Variants in IFNA17 observed in about 807,000 individuals in gnomAD.
IFNA17 encodes interferon alpha-17.
For missense variants in IFNA17, 285 were observed against 212.7 expected, an observed-to-expected ratio of 1.34 and a Z score of -2.11; for synonymous variants, 107 against 80.5, an observed-to-expected ratio of 1.33 and a Z score of -1.76.
In IFNA17 at chr9:21,227,497, A is replaced by T; in HGVS notation, c.*107T>A. 7 of 1,527,594 alleles carry T rather than the reference A, an allele frequency of 4.6e-6. 1 individual carries two copies. The South Asian group carries it at 9.0e-5, about 20-fold the overall frequency. 94.6% of individuals were successfully genotyped at this position (1,527,594 alleles called of 1,614,324 possible). A position where few individuals can be genotyped will look rare whatever the true frequency, so the allele number is the denominator to read the frequency against. On this transcript the variant is annotated 3_prime_UTR_variant, in exon 1 of 1. Coordinates refer to ENST00000413767, the MANE Select transcript of IFNA17 (RefSeq NM_021268.2). ...CTGCTGAAAACATTTGAAAATTTTG[A>T]TTCAACTCGTGGTGGTTATAGAAGT...
In IFNA17 at chr9:21,227,988, G is replaced by A. The variant is rs770953804; in HGVS notation, c.186C>T (p.Pro62=). 1 of 1,613,910 alleles carries A rather than the reference G, an allele frequency of 6.2e-7. No individual in the cohort carries two copies. The highest frequency in any genetic ancestry group is 1.7e-5 in the Admixed American group (1 of 59,962). ...ACTGGTTGCCATCAAACTCCTCCTG[G>A]GGAAGTCCAAAGTCATGTCTGTCCT... is the stretch of plus-strand genomic sequence containing the variant. The part of the protein sequence containing the change: ...CLKDRHDFGL[P]QEEFDGNQFQ... The change falls in exon 1 of 1, where the codon CCC becomes CCT. Residue 62 remains proline, a synonymous_variant. Coordinates refer to ENST00000413767, the MANE Select transcript of IFNA17 (RefSeq NM_021268.2).
rs1818656296 is a variant in IFNA17 at position 21,228,163 on chromosome 9, G to A, written c.11C>T (p.Ser4Phe). Residue 4 changes from serine to phenylalanine, a missense_variant, in exon 1 of 1, where the codon TCC (serine) becomes TTC (phenylalanine). Physicochemically the swap from Ser to Phe is radical, Grantham distance 155. Transcript: ENST00000413767. The stretch of plus-strand genomic sequence containing the variant: ...CAGCACGGCCATCAGTAAAGAAAAG[G>A]ACAGGGCCATTGGGATGTTGCAAAT... MAL[S>F]FSLLMAVLVL... is the part of the protein sequence containing the mutation. 2 of 1,611,980 alleles carry A rather than the reference G, an allele frequency of 1.2e-6. No individual in the cohort carries two copies. Among genetic ancestry groups the A allele is most frequent in the African/African-American group, 2.7e-5 (2 of 74,954 alleles).
chr9:21,228,023 A>T lies in IFNA17; in HGVS notation c.151T>A (p.Ser51Thr). ...AAGTCATGTCTGTCCTTCAGGCAGG[A>T]GAAAGGAGAGATTCTTCCCATTTGT... ...LAQMGRISPFSCLKDRHDFGL... is the reference protein window; with the variant it reads ...LAQMGRISPFTCLKDRHDFGL... The change falls in exon 1 of 1, where the codon TCC becomes ACC. Residue 51 changes from serine to threonine, a missense_variant. Physicochemically the swap from Ser to Thr is moderately conservative, Grantham distance 58 (BLOSUM62 1). Transcript: ENST00000413767. The T allele has an allele frequency of 6.2e-7, 1 of 1,614,056 alleles. No individual in the cohort carries two copies. Among genetic ancestry groups the T allele is most frequent in the Non-Finnish European group, 8.5e-7 (1 of 1,180,012 alleles).
Position 21,227,417 on chromosome 9 carries a change from A to G in IFNA17, c.*187T>C. Reference sequence around the variant, plus strand: ...TAAATAGATGAACAGAGACATCAGCATGGTCATCTGTAAAGTACTAGTGCC... The same window carrying G: ...TAAATAGATGAACAGAGACATCAGCGTGGTCATCTGTAAAGTACTAGTGCC... On this transcript the variant is annotated 3_prime_UTR_variant, in exon 1 of 1. Transcript: ENST00000413767. 1.7e-6 allele frequency: 1 copy of G among 576,342 alleles called. No individual in the cohort carries two copies. Among genetic ancestry groups the G allele is most frequent in the East Asian group, 3.2e-5 (1 of 31,582 alleles). 35.7% of individuals were successfully genotyped at this position (576,342 alleles called of 1,614,324 possible). A position where few individuals can be genotyped will look rare whatever the true frequency, so the allele number is the denominator to read the frequency against.
chr9:21,228,011 C>G lies in IFNA17; in HGVS notation c.163G>C (p.Asp55His). Residue 55 changes from aspartate to histidine, a missense_variant, in exon 1 of 1, where the codon GAC becomes CAC. Physicochemically the swap from Asp to His is moderately conservative, Grantham distance 81. Coordinates refer to ENST00000413767, the MANE Select transcript of IFNA17 (RefSeq NM_021268.2). ...GRISPFSCLK[D>H]RHDFGLPQEE... Reference sequence around the variant, plus strand: ...TGGGGAAGTCCAAAGTCATGTCTGTCCTTCAGGCAGGAGAAAGGAGAGATT... The same window carrying G: ...TGGGGAAGTCCAAAGTCATGTCTGTGCTTCAGGCAGGAGAAAGGAGAGATT... 3.1e-6 allele frequency: 5 copies of G among 1,614,050 alleles called. No individual in the cohort carries two copies. Among genetic ancestry groups the G allele is most frequent in the Non-Finnish European group, 3.4e-6 (4 of 1,180,020 alleles).
Position 21,227,529 on chromosome 9 carries a change from T to C in IFNA17, c.*75A>G. 2 of 1,580,704 alleles carry C rather than the reference T, an allele frequency of 1.3e-6. No homozygotes were observed. The highest frequency in any genetic ancestry group is 1.2e-5 in the South Asian group (1 of 85,468). On this transcript the variant is annotated 3_prime_UTR_variant, in exon 1 of 1. Coordinates refer to ENST00000413767, the MANE Select transcript of IFNA17 (RefSeq NM_021268.2). ...TCGTGGTGGTTATAGAAGTGAGTCT[T>C]TGAAATGGAGGAACTCATGAAAGTG...
chr9:21,227,854 T>G lies in IFNA17; in HGVS notation c.320A>C (p.Lys107Thr), dbSNP rs1233784091. Residue 107 changes from lysine (K) to threonine (T), a missense_variant, in exon 1 of 1, where the codon AAA becomes ACA. By Grantham distance (78) the Lys-to-Thr change is moderately conservative (BLOSUM62 -1). Coordinates refer to ENST00000413767, the MANE Select transcript of IFNA17 (RefSeq NM_021268.2). ...SAAWEQSLLE[K>T]FSTELYQQLN... is the part of the protein sequence containing the mutation. ...TTGCTGGTAAAGTTCAGTGGAAAAT[T>G]TTTCTAGGAGGCTCTGTTCCCAAGC... is the stretch of plus-strand genomic sequence containing the variant. The G allele has an allele frequency of 6.2e-7, 1 of 1,613,414 alleles. No homozygotes were observed. Among genetic ancestry groups the G allele is most frequent in the Non-Finnish European group, 8.5e-7 (1 of 1,179,852 alleles).
chr9:21,227,449 G>C lies in IFNA17; in HGVS notation c.*155C>G, dbSNP rs1290095287. ...TCTGTAAAGTACTAGTGCCTGCACA[G>C]GTATACACGACGCTTCTTTACACTG... On this transcript the variant is annotated 3_prime_UTR_variant, in exon 1 of 1. Transcript: ENST00000413767. The C allele has an allele frequency of 9.1e-7, 1 of 1,093,608 alleles. No individual in the cohort carries two copies. The highest frequency in any genetic ancestry group is 1.6e-5 in the African/African-American group (1 of 63,470). The allele number at this position is 1,093,608 out of a possible 1,614,324, so 67.7% of individuals were successfully genotyped here.
Position 21,227,766 on chromosome 9 carries a change from A to G in IFNA17, c.408T>C (p.Asn136=), listed in dbSNP as rs1563820463. ...TCCTCACAGCCAGGATGGAGTCCTCATTCATCAGGGGAGTCTCTTCCATCC... is the reference window on the plus strand; with the variant it reads ...TCCTCACAGCCAGGATGGAGTCCTCGTTCATCAGGGGAGTCTCTTCCATCC... ...EVGMEETPLM[N]EDSILAVRKY... is the part of the protein sequence containing the mutation. The change falls in exon 1 of 1, where the codon AAT becomes AAC. Residue 136 remains asparagine, a synonymous_variant. Transcript: ENST00000413767. The G allele has an allele frequency of 1.2e-6, 2 of 1,614,044 alleles. No homozygotes were observed. The highest frequency in any genetic ancestry group is 1.7e-6 in the Non-Finnish European group (2 of 1,179,974).
rs1818656000 is a variant in IFNA17, at chr9:21,228,147, C to T, written c.27G>A (p.Met9Ile). The T allele has an allele frequency of 1.9e-6, 3 of 1,613,680 alleles. No homozygotes were observed. The highest frequency in any genetic ancestry group is 2.5e-6 in the Non-Finnish European group (3 of 1,179,804). Residue 9 changes from methionine (M) to isoleucine (I), a missense_variant, in exon 1 of 1, where the codon ATG becomes ATA. By Grantham distance (10) the Met-to-Ile change is conservative (BLOSUM62 1). Coordinates refer to ENST00000413767, the MANE Select transcript of IFNA17 (RefSeq NM_021268.2). MALSFSLL[M>I]AVLVLSYKSI... Reference sequence around the variant, plus strand: ...ATTTGTAGCTGAGCACCAGCACGGCCATCAGTAAAGAAAAGGACAGGGCCA... The same window carrying T: ...ATTTGTAGCTGAGCACCAGCACGGCTATCAGTAAAGAAAAGGACAGGGCCA...
Position 21,227,691 on chromosome 9 carries a change from A to C in IFNA17, c.483T>G (p.Pro161=). The change falls in exon 1 of 1, where the codon CCT becomes CCG. Residue 161 remains proline (P), a synonymous_variant. Transcript: ENST00000413767. ...CTGCTCTGACAACCTCCCAGGCACA[A>C]GGGCTGTATTTCTTCTCTGTTAGAT... is the stretch of plus-strand genomic sequence containing the variant. The part of the protein sequence containing the change: ...TLYLTEKKYS[P]CAWEVVRAEI... 6.2e-7 allele frequency: 1 copy of C among 1,614,028 alleles called. No individual in the cohort carries two copies. The highest frequency in any genetic ancestry group is 8.5e-7 in the Non-Finnish European group (1 of 1,179,954).
In IFNA17 at chr9:21,227,458, G is replaced by A. The variant is rs192209156; in HGVS notation, c.*146C>T. 52 of 1,269,686 alleles carry A rather than the reference G, an allele frequency of 4.1e-5. No homozygotes were observed. In the African/African-American group the frequency reaches 5.5e-4, roughly 13 times the overall value. 78.7% of individuals were successfully genotyped at this position (1,269,686 alleles called of 1,614,324 possible). On this transcript the variant is annotated 3_prime_UTR_variant, in exon 1 of 1. Transcript: ENST00000413767. ...TACTAGTGCCTGCACAGGTATACAC[G>A]ACGCTTCTTTACACTGCTGAAAACA...
Position 21,227,772 on chromosome 9 carries a change from C to A in IFNA17, c.402G>T (p.Leu134=), listed in dbSNP as rs192767923. The A allele has an allele frequency of 4.2e-5, 67 of 1,613,980 alleles. 1 individual carries two copies. The East Asian group carries it at 1.5e-3, about 35-fold the overall frequency. ...CAGCCAGGATGGAGTCCTCATTCAT[C>A]AGGGGAGTCTCTTCCATCCCAACCT... The part of the protein sequence containing the change: ...IQEVGMEETP[L]MNEDSILAVR... The change falls in exon 1 of 1, where the codon CTG becomes CTT. Residue 134 remains leucine (L), a synonymous_variant. Transcript: ENST00000413767.
Position 21,228,071 on chromosome 9 carries a change from T to A in IFNA17, c.103A>T (p.Arg35Trp), listed in dbSNP as rs1302292476. ...TGTGCCAGGAGTATCAAGGCCCTCC[T>A]ATTACCCAGGCTGTGGGTCTGAGGC... ...DLPQTHSLGN[R>W]RALILLAQMG... The change falls in exon 1 of 1, where the codon AGG (arginine) becomes TGG (tryptophan). Residue 35 changes from arginine (R) to tryptophan (W), a missense_variant. Arg to Trp is a moderately radical substitution (Grantham distance 101, BLOSUM62 -3). Transcript: ENST00000413767. 1.2e-6 allele frequency: 2 copies of A among 1,613,984 alleles called. No homozygotes were observed. Among genetic ancestry groups the A allele is most frequent in the Non-Finnish European group, 8.5e-7 (1 of 1,180,032 alleles).
Position 21,228,222 on chromosome 9 carries a change from C to T in IFNA17, c.-49G>A, listed in dbSNP as rs1818658402. 2 of 1,565,888 alleles carry T rather than the reference C, an allele frequency of 1.3e-6. No homozygotes were observed. The highest frequency in any genetic ancestry group is 2.4e-5 in the South Asian group (2 of 82,274). On this transcript the variant is annotated 5_prime_UTR_variant, in exon 1 of 1. Coordinates refer to ENST00000413767, the MANE Select transcript of IFNA17 (RefSeq NM_021268.2). The stretch of plus-strand genomic sequence containing the variant: ...GCTACTTGAGATGGGTAACCTTGAA[C>T]TTTGGCCTCTAGGTTTTCTGAAGAC...
Position 21,227,722 on chromosome 9 carries a change from G to C in IFNA17, c.452C>G (p.Thr151Ser). The change falls in exon 1 of 1, where the codon ACT becomes AGT. Residue 151 changes from threonine to serine, a missense_variant. By Grantham distance (58) the Thr-to-Ser change is moderately conservative (BLOSUM62 1). Transcript: ENST00000413767. ...LAVRKYFQRI[T>S]LYLTEKKYSP... is the part of the protein sequence containing the mutation. ...GTATTTCTTCTCTGTTAGATAAAGA[G>C]TGATTCTTTGGAAGTATTTCCTCAC... 1.2e-6 allele frequency: 2 copies of C among 1,614,040 alleles called. No homozygotes were observed. The highest frequency in any genetic ancestry group is 2.2e-5 in the East Asian group (1 of 44,870).
chr9:21,227,572 C>A lies in IFNA17; in HGVS notation c.*32G>T. 15 of 1,608,600 alleles carry A rather than the reference C, an allele frequency of 9.3e-6. No homozygotes were observed. The highest frequency in any genetic ancestry group is 1.1e-5 in the Non-Finnish European group (13 of 1,178,756). ...TGAAAGTGTGAGATAATGTATTAGT[C>A]AATCAGGATCATTGCCATGTTGAAC... is the stretch of plus-strand genomic sequence containing the variant. On this transcript the variant is annotated 3_prime_UTR_variant, in exon 1 of 1. Transcript: ENST00000413767.
At position 21,227,448 on chromosome 9, in the gene IFNA17, A is replaced by T. The variant is rs1818639584; in HGVS notation, c.*156T>A. ...ATCTGTAAAGTACTAGTGCCTGCAC[A>T]GGTATACACGACGCTTCTTTACACT... is the stretch of plus-strand genomic sequence containing the variant. On this transcript the variant is annotated 3_prime_UTR_variant, in exon 1 of 1. Coordinates refer to ENST00000413767, the MANE Select transcript of IFNA17 (RefSeq NM_021268.2). 6 of 1,060,258 alleles carry T rather than the reference A, an allele frequency of 5.7e-6. No individual in the cohort carries two copies. Among genetic ancestry groups the T allele is most frequent in the Non-Finnish European group, 8.2e-6 (6 of 732,452 alleles). 65.7% of individuals were successfully genotyped at this position (1,060,258 alleles called of 1,614,324 possible). A position where few individuals can be genotyped will look rare whatever the true frequency, so the allele number is the denominator to read the frequency against.
chr9:21,227,575 T>A lies in IFNA17; in HGVS notation c.*29A>T, dbSNP rs1818641484. 6.2e-7 allele frequency: 1 copy of A among 1,609,716 alleles called. No individual in the cohort carries two copies. Among genetic ancestry groups the A allele is most frequent in the South Asian group, 1.1e-5 (1 of 90,646 alleles). On this transcript the variant is annotated 3_prime_UTR_variant, in exon 1 of 1. Coordinates refer to ENST00000413767, the MANE Select transcript of IFNA17 (RefSeq NM_021268.2). ...AAGTGTGAGATAATGTATTAGTCAA[T>A]CAGGATCATTGCCATGTTGAACCAG...
Sources: gnomAD v4.1 joint callset for allele counts on GRCh38, gnomAD v4.1.1 for gene constraint, MANE v1.5 for transcripts, NCBI Gene and HGNC (gene_info 2026-07-23, HGNC 2026-07-21) for gene names.